FCRL5: variants seen among roughly 807,000 people sequenced by gnomAD.
FCRL5 encodes Fc receptor-like protein 5.
FCRL5 carries 79 observed loss-of-function variants against 92.1 expected under a neutral mutation model. That is an observed-to-expected ratio of 0.86 (90% confidence interval 0.72 to 1.03). The LOEUF (loss-of-function observed/expected upper bound fraction) is 1.03, where lower values mean the gene tolerates loss of function less well. Among genes scored for constraint, FCRL5 ranks in the 50% least tolerant of loss-of-function variants. The pLI is 0.00. For synonymous variants in FCRL5, 466 were observed against 469.3 expected, an observed-to-expected ratio of 0.99 and a Z score of 0.09; for missense variants, 1,160 against 1,181.1, an observed-to-expected ratio of 0.98 and a Z score of 0.26.
intron 7 of FCRL5, among the ~76,000 whole-genome samples, chr1:157,538,437 G>C (rs1278541090): frequency 6.6e-6 from 1 of 152,186 alleles, no homozygotes; most frequent in East Asian, 1.9e-4. Context: ...GAGATCCAAA[G>C]CTCAAAGGAA....
Position 157,518,754 on chromosome 1 carries a change from G to T in FCRL5, c.2689C>A (p.Pro897Thr). 1 of 1,613,418 alleles carries T rather than the reference G, an allele frequency of 6.2e-7. No individual in the cohort carries two copies. The highest frequency in any genetic ancestry group is 8.5e-7 in the Non-Finnish European group (1 of 1,179,864). ...RSPSDSDSQE[P>T]TYHNVPAWEE... ...CAGGCTGGTACATTGTGATAGGTGG[G>T]CTCTTGGGAGTCCGAGTCTGAAGGG... The change falls in exon 14 of 17, where the codon CCC (proline) becomes ACC (threonine). Residue 897 changes from proline to threonine, a missense_variant. Coordinates refer to ENST00000361835, the MANE Select transcript of FCRL5 (RefSeq NM_031281.3).
chr1:157,529,240 C>T (rs1269749237), intron 8 of FCRL5, among the ~76,000 whole-genome samples: 1 of 152,142 alleles, frequency 6.6e-6, no homozygotes, highest in Non-Finnish European at 1.5e-5. Flanking sequence ...ATCAAAACCA[C>T]AATGCGATAC....
intron 11 of FCRL5, 147 bp from the exon 12 acceptor site, chr1:157,520,694 G>T (rs113369395): frequency 1.5e-6 from 1 of 646,048 alleles, no homozygotes; most frequent in Admixed American, 3.0e-5. Flanking sequence ...ACAGAAGATG[G>T]CTCCTGTCTT....
intron 7 of FCRL5, among the ~76,000 whole-genome samples, chr1:157,535,754 AT>A (rs1447089745): frequency 6.6e-6 from 1 of 152,198 alleles, no homozygotes; most frequent in African/African-American, 2.4e-5. Context: ...TAAGTTAATC[AT>A]CAAAACAATT....
At position 157,518,721 on chromosome 1, in the gene FCRL5, G is replaced by C. The variant is rs924019877; in HGVS notation, c.2722C>G (p.Leu908Val). 6.2e-7 allele frequency: 1 copy of C among 1,613,366 alleles called. No homozygotes were observed. The highest frequency in any genetic ancestry group is 8.5e-7 in the Non-Finnish European group (1 of 1,179,870). The change falls in exon 14 of 17, where the codon CTG (leucine) becomes GTG (valine). Residue 908 changes from leucine (L) to valine (V), a missense_variant. Leu to Val is a conservative substitution (Grantham distance 32, BLOSUM62 1). Transcript: ENST00000361835. The stretch of plus-strand genomic sequence containing the variant: ...TCACCATTAGTGTACACTGGTTGCA[G>C]CTCTTCCCAGGCTGGTACATTGTGA... ...TYHNVPAWEELQPVYTNANPR... is the reference protein window; with the variant it reads ...TYHNVPAWEEVQPVYTNANPR...
At chr1:157,537,558 T>C (rs1651027427) in intron 7 of FCRL5, among the ~76,000 whole-genome samples, 1 of 152,176 alleles carries the variant, frequency 6.6e-6, no homozygotes, top group African/African-American at 2.4e-5. Flanking sequence ...CCATTTGCCT[T>C]GTGATATTTT....
At chr1:157,523,002 GGAA>G (rs1650269441) in intron 10 of FCRL5, among the ~76,000 whole-genome samples, 1 of 152,114 alleles carries the variant, frequency 6.6e-6, no homozygotes, top group Admixed American at 6.6e-5. Flanking sequence ...TGCTGGTGGG[GGAA>G]GAAGAACGAG....
chr1:157,528,944 A>G (rs937633714), intron 8 of FCRL5, among the ~76,000 whole-genome samples: 1 of 152,224 alleles, frequency 6.6e-6, no homozygotes, highest in African/African-American at 2.4e-5. Context: ...TGCAACAAAA[A>G]CAATAATAAA....
Position 157,552,504 on chromosome 1 carries a change from G to A in FCRL5, c.-142C>T, listed in dbSNP as rs534207336. The stretch of plus-strand genomic sequence containing the variant: ...AGAAGCTGTGCTCTCAAAAAGAGCA[G>A]AATGCATTAGTGAATTGAAAAAAGG... On this transcript the variant is annotated 5_prime_UTR_variant, in exon 1 of 17. Transcript: ENST00000361835. 1.4e-4 allele frequency: 108 copies of A among 771,696 alleles called. 1 individual carries two copies. In the South Asian group the frequency reaches 1.7e-3, roughly 12 times the overall value. The allele number at this position is 771,696 out of a possible 1,614,324, so 47.8% of individuals were successfully genotyped here.
In FCRL5 at chr1:157,549,559, C is replaced by T; in HGVS notation, c.52+1G>A. On this transcript the variant is annotated splice_donor_variant, in intron 2 of 16. Transcript: ENST00000361835. LOFTEE classifies it high-confidence loss of function. ...GAAGAGCCAAAGACAGGAGAACTCACCAAACTGTCCACTGACAGGAGCTGC... is the reference window on the plus strand; with the variant it reads ...GAAGAGCCAAAGACAGGAGAACTCATCAAACTGTCCACTGACAGGAGCTGC... 1 of 1,612,134 alleles carries T rather than the reference C, an allele frequency of 6.2e-7. No homozygotes were observed. The highest frequency in any genetic ancestry group is 1.7e-5 in the Admixed American group (1 of 59,646).
intron 8 of FCRL5, chr1:157,534,293 G>A: frequency 1.4e-6 from 1 of 696,074 alleles, no homozygotes. Flanking sequence ...AAGTTAATAT[G>A]TAAATGTCAG....
rs1275263726 is a variant in FCRL5 at position 157,520,603 on chromosome 1, C to T, written c.2516-56G>A. The T allele has an allele frequency of 5.8e-6, 8 of 1,386,104 alleles. No individual in the cohort carries two copies. In the Middle Eastern group the frequency reaches 9.4e-4, roughly 163 times the overall value. 85.9% of individuals were successfully genotyped at this position (1,386,104 alleles called of 1,614,324 possible). ...GGAGAGGCTGTGGTCTGGAACTGCC[C>T]GCTCCCGGAAGCTGCTGCCTGGGCC... On this transcript the variant is annotated intron_variant, in intron 11 of 16. Transcript: ENST00000361835.
In FCRL5 at chr1:157,515,360, G is replaced by A. The variant is rs1024995823; in HGVS notation, c.*315C>T. 7.4e-6 allele frequency: 3 copies of A among 404,500 alleles called. No homozygotes were observed. The highest frequency in any genetic ancestry group is 1.4e-5 in the Non-Finnish European group (3 of 217,762). The allele number at this position is 404,500 out of a possible 1,614,324, so 25.1% of individuals were successfully genotyped here. ...GTGTGGTAAGACCCCCTCTGTGGGG[G>A]TGTGATGAGAGCAGTACTCAGAACA... On this transcript the variant is annotated 3_prime_UTR_variant, in exon 17 of 17. Coordinates refer to ENST00000361835, the MANE Select transcript of FCRL5 (RefSeq NM_031281.3).
intron 2 of FCRL5, 29 bp downstream of exon 2, chr1:157,549,531 G>A (rs757782932): frequency 1.1e-5 from 18 of 1,605,698 alleles, no homozygotes; most frequent in Admixed American, 3.4e-5. Flanking sequence ...AACCAGAGAC[G>A]CTGAAGAGCC....
chr1:157,546,995 G>A lies in FCRL5; in HGVS notation c.255C>T (p.Cys85=). 1 of 1,614,164 alleles carries A rather than the reference G, an allele frequency of 6.2e-7. No individual in the cohort carries two copies. Among genetic ancestry groups the A allele is most frequent in the Non-Finnish European group, 8.5e-7 (1 of 1,180,026 alleles). ...TACTGAGAGGGGAGCCCTGGGCCTG[G>A]CATCTGTACTCTCCAGATTCCTGAA... ...LEVQESGEYR[C]QAQGSPLSSP... is the part of the protein sequence containing the mutation. The change falls in exon 3 of 17, where the codon TGC becomes TGT. Residue 85 remains cysteine, a synonymous_variant. Coordinates refer to ENST00000361835, the MANE Select transcript of FCRL5 (RefSeq NM_031281.3).
chr1:157,520,553 G>A lies in FCRL5; in HGVS notation c.2516-6C>T, dbSNP rs763882863. On this transcript the variant is annotated splice_region_variant and splice_polypyrimidine_tract_variant and intron_variant, in intron 11 of 16. Transcript: ENST00000361835. ...ACTTCTGTTCGCGGTCAGCCCTGAGGGGGAGACCCTGTGTGTGAGCCAGAG... is the reference window on the plus strand; with the variant it reads ...ACTTCTGTTCGCGGTCAGCCCTGAGAGGGAGACCCTGTGTGTGAGCCAGAG... The A allele has an allele frequency of 7.8e-5, 123 of 1,581,944 alleles. No homozygotes were observed. The highest frequency in any genetic ancestry group is 3.5e-5 in the Non-Finnish European group (41 of 1,163,660).
At position 157,544,830 on chromosome 1, in the gene FCRL5, C is replaced by A; in HGVS notation, c.559+1G>T. 6.2e-7 allele frequency: 1 copy of A among 1,614,060 alleles called. No homozygotes were observed. Among genetic ancestry groups the A allele is most frequent in the Non-Finnish European group, 8.5e-7 (1 of 1,180,018 alleles). ...ACTTCACAAAATAATGAAGGCTTTA[C>A]CTTGGACTTGGATTTTGACTGTATT... is the stretch of plus-strand genomic sequence containing the variant. On this transcript the variant is annotated splice_donor_variant, in intron 4 of 16. Transcript: ENST00000361835. LOFTEE classifies it high-confidence loss of function.
rs766641789 is a variant in FCRL5 at position 157,527,764 on chromosome 1, C to T, written c.1813G>A (p.Val605Ile). The change falls in exon 9 of 17, where the codon GTC becomes ATC. Residue 605 changes from valine (V) to isoleucine (I), a missense_variant. Physicochemically the swap from Val to Ile is conservative, Grantham distance 29. Transcript: ENST00000361835. ...GGGGCTGAGCTGCTCCCCAGGGTGA[C>T]ATCCTCATGATAAAACCAGTACAGG... ...PILYWFYHEDVTLGSSSAPSG... is the reference protein window; with the variant it reads ...PILYWFYHEDITLGSSSAPSG... The T allele has an allele frequency of 2.3e-5, 37 of 1,614,046 alleles. No individual in the cohort carries two copies. Among genetic ancestry groups the T allele is most frequent in the Non-Finnish European group, 3.1e-5 (36 of 1,180,036 alleles).
chr1:157,520,997 C>T lies in FCRL5; in HGVS notation c.2515+20G>A, dbSNP rs961378557. 1 of 1,582,354 alleles carries T rather than the reference C, an allele frequency of 6.3e-7. No homozygotes were observed. The highest frequency in any genetic ancestry group is 2.0e-4 in the Middle Eastern group (1 of 5,108). ...GGAAACATTTTGTCCGCATCTGTGG[C>T]CCGGGCACGGGAAACTTACCTGTGA... On this transcript the variant is annotated intron_variant, in intron 11 of 16. Coordinates refer to ENST00000361835, the MANE Select transcript of FCRL5 (RefSeq NM_031281.3).
Sources: allele counts gnomAD v4.1 joint callset (sites outside exome capture counted in the v4.1 genomes callset), GRCh38; gene constraint gnomAD v4.1.1; transcripts MANE v1.5; gene names NCBI Gene and HGNC (gene_info 2026-07-23, HGNC 2026-07-21).